KCNK2: variants seen among roughly 807,000 people sequenced by gnomAD.
KCNK2 encodes the protein potassium channel subfamily K member 2.
A neutral mutation model predicts 40.5 loss-of-function variants in KCNK2; 21 were observed. The observed-to-expected ratio is 0.52, with a 90% CI of 0.37 to 0.75. KCNK2 has a LOEUF of 0.75. Among genes scored for constraint, KCNK2 ranks in the 30% least tolerant of loss-of-function variants. The pLI, the probability that KCNK2 is intolerant of heterozygous loss-of-function variation, is 0.00. For missense variants in KCNK2, 399 were observed against 531.6 expected, an observed-to-expected ratio of 0.75 and a Z score of 2.45; for synonymous variants, 191 against 202.2, an observed-to-expected ratio of 0.94 and a Z score of 0.47.
chr1:215,014,028 A>G (rs1656498225), intron 1 of KCNK2, among the ~76,000 whole-genome samples: 1 of 152,058 alleles, frequency 6.6e-6, no homozygotes, highest in African/African-American at 2.4e-5. Context: ...TCATTATTAC[A>G]TGTGTTAGCT....
Position 215,083,308 on chromosome 1 carries a change from G to A in KCNK2, c.-78G>A, listed in dbSNP as rs1659261745. 6.3e-7 allele frequency: 1 copy of A among 1,579,764 alleles called. No homozygotes were observed. The highest frequency in any genetic ancestry group is 8.6e-7 in the Non-Finnish European group (1 of 1,157,834). Reference sequence around the variant, plus strand: ...CGCGCAGCCCGTCTCTGAATAAGAAGTGAGTACAATGGCGTGTTTGTAAAA... The same window carrying A: ...CGCGCAGCCCGTCTCTGAATAAGAAATGAGTACAATGGCGTGTTTGTAAAA... On this transcript the variant is annotated 5_prime_UTR_variant, in exon 1 of 7. It adds an upstream start codon to the 5' untranslated region. Coordinates refer to ENST00000444842, the MANE Select transcript of KCNK2 (RefSeq NM_001017425.3).
At chr1:215,139,691 G>A (rs1662086435) in intron 3 of KCNK2, among the ~76,000 whole-genome samples, 1 of 152,130 alleles carries the variant, frequency 6.6e-6, no homozygotes, top group Non-Finnish European at 1.5e-5. Flanking sequence ...ACTGAGGCAG[G>A]AGAATTGCTT....
At chr1:215,163,839 T>A (rs920341608) in intron 3 of KCNK2, among the ~76,000 whole-genome samples, 1 of 152,154 alleles carries the variant, frequency 6.6e-6, no homozygotes, top group African/African-American at 2.4e-5. Flanking sequence ...TATTGAGGAT[T>A]TTTGCCTCGA....
At chr1:215,225,419 T>C (rs1479977891) in intron 6 of KCNK2, among the ~76,000 whole-genome samples, 1 of 152,238 alleles carries the variant, frequency 6.6e-6, no homozygotes, top group Non-Finnish European at 1.5e-5. Context: ...TGCTGGAAAT[T>C]CGTGGTCAGA....
intron 1 of KCNK2, among the ~76,000 whole-genome samples, chr1:215,036,133 G>T (rs941376456): frequency 6.8e-6 from 1 of 146,592 alleles, no homozygotes; most frequent in Non-Finnish European, 1.5e-5. Flanking sequence ...GCTCTCATGT[G>T]TTTTTTTTTT....
chr1:215,139,422 C>A (rs1361504785), intron 3 of KCNK2, among the ~76,000 whole-genome samples: 1 of 152,176 alleles, frequency 6.6e-6, no homozygotes, highest in Non-Finnish European at 1.5e-5. Context: ...TCCTTTTAGG[C>A]ATAGGTCATA....
Position 215,223,241 on chromosome 1 carries a change from T to TAAAAAAAA in KCNK2, c.964-11573_964-11566dup, listed in dbSNP as rs56890763. ...TATCTGTACAGAATAAGCTCTTTTC[T>TAAAAAAAA]AAAAAAAAAAAAAAAAAAAAAGTCA... On this transcript the variant is annotated intron_variant, in intron 6 of 6. Transcript: ENST00000444842. 1.7e-4 allele frequency among the ~76,000 whole-genome samples: 19 copies of TAAAAAAAA among 112,050 alleles called. 1 individual carries two copies. The South Asian group carries it at 1.9e-3, about 11-fold the overall frequency. 73.5% of individuals were successfully genotyped at this position (112,050 alleles called of 152,430 possible). A position where few individuals can be genotyped will look rare whatever the true frequency, so the allele number is the denominator to read the frequency against.
intron 1 of KCNK2, among the ~76,000 whole-genome samples, chr1:215,012,057 G>A (rs934573943): frequency 6.6e-6 from 1 of 152,116 alleles, no homozygotes; most frequent in East Asian, 1.9e-4. Context: ...CACCAGTGAA[G>A]AACTTTCAGG....
At chr1:215,034,852 G>A (rs1657331043) in intron 1 of KCNK2, among the ~76,000 whole-genome samples, 1 of 151,992 alleles carries the variant, frequency 6.6e-6, no homozygotes, top group South Asian at 2.1e-4. Context: ...CTATGTTTCT[G>A]TATCTACTTA....
chr1:215,084,182 GCACA>G (rs71945726), intron 1 of KCNK2, among the ~76,000 whole-genome samples: 15,482 of 141,488 alleles, frequency 0.11, 865 homozygotes, highest in Middle Eastern at 0.21. Flanking sequence ...TTAGGTTAAT[GCACA>G]CACACACACA....
chr1:215,183,213 T>C (rs896769087), intron 5 of KCNK2, among the ~76,000 whole-genome samples: 4 of 152,286 alleles, frequency 2.6e-5, no homozygotes, highest in South Asian at 4.1e-4. Flanking sequence ...GAATCTATTA[T>C]TATTATTTTT....
At chr1:215,010,034 A>G (rs896035365) in intron 1 of KCNK2, among the ~76,000 whole-genome samples, 2 of 152,186 alleles carry the variant, frequency 1.3e-5, no homozygotes, top group African/African-American at 2.4e-5. Context: ...AGCTAAAACA[A>G]TGCTTCACAG....
chr1:215,155,973 A>G (rs1371744590), intron 3 of KCNK2, among the ~76,000 whole-genome samples: 1 of 152,164 alleles, frequency 6.6e-6, no homozygotes, highest in Non-Finnish European at 1.5e-5. Context: ...CCATTAGTTA[A>G]TAAGGAAGTA....
chr1:215,044,752 G>A (rs868394203), intron 1 of KCNK2, among the ~76,000 whole-genome samples: 1 of 151,802 alleles, frequency 6.6e-6, no homozygotes, highest in Non-Finnish European at 1.5e-5. Flanking sequence ...GATCCTGATG[G>A]GCTGTGGTGG....
At chr1:215,018,465 C>G (rs909579024) in intron 1 of KCNK2, among the ~76,000 whole-genome samples, 3 of 152,050 alleles carry the variant, frequency 2.0e-5, no homozygotes, top group Non-Finnish European at 2.9e-5. Context: ...AGGATAACAA[C>G]TGCAATAAAT....
intron 1 of KCNK2, among the ~76,000 whole-genome samples, chr1:215,063,234 A>G (rs562794703): frequency 7.9e-4 from 120 of 152,344 alleles, no homozygotes; most frequent in African/African-American, 2.8e-3. Context: ...ATTGAAGAAC[A>G]TTCTATTTCT....
At chr1:215,143,100 G>A (rs1662255679) in intron 3 of KCNK2, among the ~76,000 whole-genome samples, 1 of 152,092 alleles carries the variant, frequency 6.6e-6, no homozygotes, top group South Asian at 2.1e-4. Flanking sequence ...GTGGAATAGT[G>A]GCTTTCATAT....
intron 6 of KCNK2, among the ~76,000 whole-genome samples, chr1:215,215,174 A>ATAATGAAGC (rs1211525421): frequency 6.6e-6 from 1 of 151,690 alleles, no homozygotes; most frequent in Non-Finnish European, 1.5e-5. Context: ...TTAATAAGAG[A>ATAATGAAGC]TAATGAAGCT....
Position 215,083,437 on chromosome 1 carries a change from A to AC in KCNK2, c.46+13dup, listed in dbSNP as rs574383045. The AC allele has an allele frequency of 0.015, 23,725 of 1,604,558 alleles. 430 individuals are homozygous for AC. The highest frequency in any genetic ancestry group is 0.073 in the South Asian group (6,642 of 90,778). On this transcript the variant is annotated splice_region_variant and intron_variant, in intron 1 of 6. Transcript: ENST00000444842. The stretch of plus-strand genomic sequence containing the variant: ...ACCCGGCTATAGAGCAGGAGGTGAG[A>AC]CCCCCCCTCCGGTACCCCCACCCCT...
Sources: allele counts gnomAD v4.1 joint callset (sites outside exome capture counted in the v4.1 genomes callset), GRCh38; gene constraint gnomAD v4.1.1; transcripts MANE v1.5; gene names NCBI Gene and HGNC (gene_info 2026-07-23, HGNC 2026-07-21).